The following NSUN3 variants were observed in gnomAD, a reference collection of about 807,000 sequenced individuals.
NSUN3 encodes the protein NOP2/Sun RNA methyltransferase 3.
Under a neutral mutation model 36.8 loss-of-function variants are expected in NSUN3, and 24 were observed. The ratio of observed to expected loss-of-function variants is 0.65; its 90% CI spans 0.47 to 0.92. The LOEUF is 0.92. Ranked by LOEUF, NSUN3 falls within the 40% of genes least tolerant of loss-of-function variation. NSUN3 has a pLI of 0.00. For synonymous variants in NSUN3, 146 were observed against 145.2 expected, an observed-to-expected ratio of 1.01 and a Z score of -0.04; for missense variants, 381 against 392.8, an observed-to-expected ratio of 0.97 and a Z score of 0.25.
chr3:94,101,042 G>A (rs533371935), intron 5 of NSUN3, among the ~76,000 whole-genome samples: 44 of 151,866 alleles, frequency 2.9e-4, no homozygotes, highest in Non-Finnish European at 5.0e-4. Flanking sequence ...AGGCTAAAGC[G>A]CAGCAGTGGT....
Position 94,128,372 on chromosome 3 carries a change from T to A in NSUN3, c.*1882T>A, listed in dbSNP as rs1305568533. On this transcript the variant is annotated 3_prime_UTR_variant, in exon 6 of 6. Transcript: ENST00000314622. ...GTTATCATTATTAGTTTGTTTTTTT[T>A]ATCTTCAGACACTATAGGTTTTAAA... The A allele has an allele frequency of 6.6e-6, 1 of 152,090 alleles. No homozygotes were observed. The highest frequency in any genetic ancestry group is 1.9e-4 in the East Asian group (1 of 5,198). 9.4% of individuals were successfully genotyped at this position (152,090 alleles called of 1,614,324 possible).
chr3:94,115,249 C>A (rs1362236305), intron 5 of NSUN3, among the ~76,000 whole-genome samples: 1 of 152,118 alleles, frequency 6.6e-6, no homozygotes, highest in Non-Finnish European at 1.5e-5. Flanking sequence ...ACTGCAGGAT[C>A]GATGTTCCTA....
intron 2 of NSUN3, among the ~76,000 whole-genome samples, chr3:94,074,723 C>T (rs2077239626): frequency 6.6e-6 from 1 of 152,170 alleles, no homozygotes; most frequent in South Asian, 2.1e-4. Flanking sequence ...ATGGGGCTTT[C>T]TAAATATACA....
At chr3:94,116,565 G>T (rs964119671) in intron 5 of NSUN3, among the ~76,000 whole-genome samples, 1 of 152,094 alleles carries the variant, frequency 6.6e-6, no homozygotes, top group African/African-American at 2.4e-5. Flanking sequence ...ACATTTAAAT[G>T]ATTTACTTGC....
intron 5 of NSUN3, among the ~76,000 whole-genome samples, chr3:94,110,803 C>T (rs548189182): frequency 2.0e-5 from 3 of 151,542 alleles, no homozygotes; most frequent in South Asian, 2.1e-4. Flanking sequence ...TATGTATGCA[C>T]ATATATACAT....
At chr3:94,101,198 C>T (rs1413721610) in intron 5 of NSUN3, among the ~76,000 whole-genome samples, 4 of 151,948 alleles carry the variant, frequency 2.6e-5, no homozygotes, top group Non-Finnish European at 5.9e-5. Flanking sequence ...TCACTGTATT[C>T]CCCAGGCTGG....
At chr3:94,074,034 C>T (rs1169006840) in intron 2 of NSUN3, among the ~76,000 whole-genome samples, 1 of 152,130 alleles carries the variant, frequency 6.6e-6, no homozygotes, top group Non-Finnish European at 1.5e-5. Context: ...CCAGTTTTCC[C>T]AGCACCATTT....
chr3:94,107,853 C>G (rs1037307179), intron 5 of NSUN3, among the ~76,000 whole-genome samples: 1 of 152,114 alleles, frequency 6.6e-6, no homozygotes, highest in Non-Finnish European at 1.5e-5. Flanking sequence ...TGCTAAGTAG[C>G]TGCCCTCATT....
chr3:94,084,307 G>C lies in NSUN3; in HGVS notation c.323G>C (p.Gly108Ala), dbSNP rs1373876056. 3.7e-6 allele frequency: 6 copies of C among 1,613,904 alleles called. No individual in the cohort carries two copies. The Admixed American group carries it at 6.7e-5, about 18-fold the overall frequency. Residue 108 changes from glycine to alanine, a missense_variant, in exon 3 of 6, where the codon GGA becomes GCA. Physicochemically the swap from Gly to Ala is moderately conservative, Grantham distance 60. Transcript: ENST00000314622. ...ATCCCTTCAGAAAGACACCAAATTG[G>C]AAACCTGAAAAAATATTATCTCCTA... ...GRIPSERHQI[G>A]NLKKYYLLNA...
At chr3:94,106,589 C>A (rs1170299184) in intron 5 of NSUN3, among the ~76,000 whole-genome samples, 1 of 152,208 alleles carries the variant, frequency 6.6e-6, no homozygotes, top group Non-Finnish European at 1.5e-5. Flanking sequence ...AAATCTGCAT[C>A]TATTTGATAG....
chr3:94,103,758 G>A (rs954569665), intron 5 of NSUN3, among the ~76,000 whole-genome samples: 5 of 151,988 alleles, frequency 3.3e-5, no homozygotes, highest in East Asian at 1.9e-4. Context: ...TTCCTTACAC[G>A]ATCTGATTAA....
At chr3:94,084,713 G>A in intron 3 of NSUN3, 2 of 359,254 alleles carry the variant, frequency 5.6e-6, no homozygotes, top group Non-Finnish European at 1.0e-5. Flanking sequence ...TAATATGAAT[G>A]CTGATAAGCC....
chr3:94,077,293 C>T (rs2077250422), intron 2 of NSUN3: 1 of 513,278 alleles, frequency 1.9e-6, no homozygotes, highest in Non-Finnish European at 3.5e-6. Context: ...ATGAAGTTGA[C>T]ATCGTGGTGG....
At chr3:94,093,083 A>G (rs1264380926) in intron 3 of NSUN3, among the ~76,000 whole-genome samples, 1 of 152,106 alleles carries the variant, frequency 6.6e-6, no homozygotes, top group Admixed American at 6.5e-5. Flanking sequence ...CACAGAGTAT[A>G]CTGGGGAAAT....
At position 94,119,394 on chromosome 3, in the gene NSUN3, G is replaced by T. The variant is rs768486350; in HGVS notation, c.744-6817G>T. ...CAAAAGCAGTGGGAGGCCACAACAT[G>T]GTCTGGTTCAGTTCGTAAGAAAAAT... is the stretch of plus-strand genomic sequence containing the variant. On this transcript the variant is annotated intron_variant, in intron 5 of 5. Coordinates refer to ENST00000314622, the MANE Select transcript of NSUN3 (RefSeq NM_022072.5). Among the ~76,000 whole-genome samples, 3 of 152,156 alleles carry T rather than the reference G, an allele frequency of 2.0e-5. No individual in the cohort carries two copies. The South Asian group carries it at 6.2e-4, about 32-fold the overall frequency.
At chr3:94,087,958 T>C (rs1338704084) in intron 3 of NSUN3, among the ~76,000 whole-genome samples, 1 of 152,180 alleles carries the variant, frequency 6.6e-6, no homozygotes, top group Non-Finnish European at 1.5e-5. Context: ...TGTGAGCCAC[T>C]GAGCCCAATA....
intron 2 of NSUN3, among the ~76,000 whole-genome samples, chr3:94,075,426 G>A (rs1028248339): frequency 7.2e-5 from 11 of 152,236 alleles, no homozygotes; most frequent in African/African-American, 2.4e-4. Context: ...TGTGCATCCT[G>A]GAAAGTCAGG....
chr3:94,099,046 A>C (rs1444424437), intron 5 of NSUN3, among the ~76,000 whole-genome samples: 1 of 152,214 alleles, frequency 6.6e-6, no homozygotes, highest in Non-Finnish European at 1.5e-5. Flanking sequence ...GTTTAAAAAC[A>C]GTATATTACA....
chr3:94,120,443 C>T (rs2077456659), intron 5 of NSUN3, among the ~76,000 whole-genome samples: 1 of 152,190 alleles, frequency 6.6e-6, no homozygotes, highest in Admixed American at 6.5e-5. Context: ...TTCTTAGCCC[C>T]TGGCAACCAC....
Sources: allele counts gnomAD v4.1 joint callset (sites outside exome capture counted in the v4.1 genomes callset), GRCh38; gene constraint gnomAD v4.1.1; transcripts MANE v1.5; gene names NCBI Gene and HGNC (gene_info 2026-07-23, HGNC 2026-07-21).